The following FRAT1 variants were observed in gnomAD, a reference collection of about 807,000 sequenced individuals.
FRAT1 encodes FRAT regulator of Wnt signaling pathway 1, also known as proto-oncogene FRAT1.
Under a neutral mutation model 16.9 loss-of-function variants are expected in FRAT1, and 9 were observed. That is an observed-to-expected ratio of 0.53 (90% CI 0.32 to 0.93). The LOEUF is 0.93. Among genes scored for constraint, FRAT1 ranks in the 40% least tolerant of loss-of-function variants. FRAT1 has a pLI of 0.04. For missense variants in FRAT1, 354 were observed against 402.8 expected, an observed-to-expected ratio of 0.88 and a Z score of 1.04; for synonymous variants, 191 against 202.1, an observed-to-expected ratio of 0.95 and a Z score of 0.46.
chr10:97,319,872 T>C lies in FRAT1; in HGVS notation c.419T>C (p.Leu140Pro). The change falls in exon 1 of 1, where the codon CTG becomes CCG. Residue 140 changes from leucine (L) to proline (P), a missense_variant. Coordinates refer to ENST00000371021, the MANE Select transcript of FRAT1 (RefSeq NM_005479.4). ...GAGCTCGCCACAGGCCCCAGCGCGC[T>C]GTCCCCACTGCCCCCTCAGGCCGAC... ...VAELATGPSA[L>P]SPLPPQADLD... is the part of the protein sequence containing the mutation. The C allele has an allele frequency of 6.6e-7, 1 of 1,521,928 alleles. No homozygotes were observed. The highest frequency in any genetic ancestry group is 8.8e-7 in the Non-Finnish European group (1 of 1,142,070). The allele number at this position is 1,521,928 out of a possible 1,614,324, so 94.3% of individuals were successfully genotyped here.
rs1014229408 is a variant in FRAT1, at chr10:97,319,335, C to A, written c.-119C>A. ...CGGGCTCCGGCTTCCGCGTCCGCCC[C>A]GGCCCCGGTCCAGACTTAGTCTTCA... On this transcript the variant is annotated 5_prime_UTR_variant, in exon 1 of 1. Transcript: ENST00000371021. The A allele has an allele frequency of 1.6e-6, 2 of 1,214,318 alleles. No homozygotes were observed. Among genetic ancestry groups the A allele is most frequent in the African/African-American group, 3.2e-5 (2 of 63,308 alleles). 75.2% of individuals were successfully genotyped at this position (1,214,318 alleles called of 1,614,324 possible).
In FRAT1 at chr10:97,321,266, G is replaced by A. The variant is rs965878785; in HGVS notation, c.*973G>A. 1 of 166,734 alleles carries A rather than the reference G, an allele frequency of 6.0e-6. No homozygotes were observed. The allele number at this position is 166,734 out of a possible 1,614,324, so 10.3% of individuals were successfully genotyped here. A position where few individuals can be genotyped will look rare whatever the true frequency, so the allele number is the denominator to read the frequency against. Reference sequence around the variant, plus strand: ...GACCACCGCCCCTGGCCGCGCTCCGGGCTTTCACGGAAACTCCCGAGACCG... The same window carrying A: ...GACCACCGCCCCTGGCCGCGCTCCGAGCTTTCACGGAAACTCCCGAGACCG... On this transcript the variant is annotated 3_prime_UTR_variant, in exon 1 of 1. Coordinates refer to ENST00000371021, the MANE Select transcript of FRAT1 (RefSeq NM_005479.4).
chr10:97,319,684 G>C lies in FRAT1; in HGVS notation c.231G>C (p.Leu77=), dbSNP rs1380480755. The stretch of plus-strand genomic sequence containing the variant: ...CGCCGCTGCGGGCCCCGGGGCCCCT[G>C]GCTGCGGCGGTGCCGGCGGACAAGG... ...PGAPLRAPGP[L]AAAVPADKAR... The change falls in exon 1 of 1, where the codon CTG becomes CTC. Residue 77 remains leucine (L), a synonymous_variant. Transcript: ENST00000371021. 8.5e-7 allele frequency: 1 copy of C among 1,174,256 alleles called. No homozygotes were observed. Among genetic ancestry groups the C allele is most frequent in the African/African-American group, 1.6e-5 (1 of 61,836 alleles). The allele number at this position is 1,174,256 out of a possible 1,614,324, so 72.7% of individuals were successfully genotyped here.
Position 97,319,771 on chromosome 10 carries a change from G to GC in FRAT1, c.323dup (p.Gly109TrpfsTer42). On this transcript the variant is annotated frameshift_variant, in exon 1 of 1. Transcript: ENST00000371021. LOFTEE classifies it high-confidence loss of function. ...CGTTGGCGGAGACTGTGGGCCCGGC[G>GC]CCCCCTGGGGTCCTGCGCTGCGCCC... 8.1e-7 allele frequency: 1 copy of GC among 1,238,636 alleles called. No homozygotes were observed. Among genetic ancestry groups the GC allele is most frequent in the Non-Finnish European group, 1.0e-6 (1 of 994,566 alleles). 76.7% of individuals were successfully genotyped at this position (1,238,636 alleles called of 1,614,324 possible).
chr10:97,319,353 A>G lies in FRAT1; in HGVS notation c.-101A>G. On this transcript the variant is annotated 5_prime_UTR_variant, in exon 1 of 1. Coordinates refer to ENST00000371021, the MANE Select transcript of FRAT1 (RefSeq NM_005479.4). ...TCCGCCCCGGCCCCGGTCCAGACTT[A>G]GTCTTCAGCTCCGCGCCCGCTCCGC... The G allele has an allele frequency of 1.6e-6, 2 of 1,250,324 alleles. No homozygotes were observed. The highest frequency in any genetic ancestry group is 2.0e-6 in the Non-Finnish European group (2 of 996,650). The allele number at this position is 1,250,324 out of a possible 1,614,324, so 77.5% of individuals were successfully genotyped here.
In FRAT1 at chr10:97,320,035, A is replaced by AGGC; in HGVS notation, c.584_586dup (p.Gly195dup). On this transcript the variant is annotated inframe_insertion, in exon 1 of 1. Coordinates refer to ENST00000371021, the MANE Select transcript of FRAT1 (RefSeq NM_005479.4). ...GCGGGTCCCAACCAGAAACCCGCAC[A>AGGC]GGCGACGACGACCCGCACCGGCTTC... is the stretch of plus-strand genomic sequence containing the variant. 1 of 1,572,328 alleles carries AGGC rather than the reference A, an allele frequency of 6.4e-7. No individual in the cohort carries two copies. Among genetic ancestry groups the AGGC allele is most frequent in the Non-Finnish European group, 8.6e-7 (1 of 1,159,330 alleles).
chr10:97,320,072 G>A lies in FRAT1; in HGVS notation c.619G>A (p.Val207Met), dbSNP rs924279857. The A allele has an allele frequency of 1.3e-6, 2 of 1,594,182 alleles. No homozygotes were observed. The highest frequency in any genetic ancestry group is 2.7e-5 in the African/African-American group (2 of 74,174). Reference sequence around the variant, plus strand: ...CCCGCACCGGCTTCTGCAGCAGCTAGTGCTCTCTGGAAACCTCATCAAGGA... The same window carrying A: ...CCCGCACCGGCTTCTGCAGCAGCTAATGCTCTCTGGAAACCTCATCAAGGA... ...DDPHRLLQQL[V>M]LSGNLIKEAV... The change falls in exon 1 of 1, where the codon GTG becomes ATG. Residue 207 changes from valine (V) to methionine (M), a missense_variant. This residue lies in a region of FRAT1 where 286 missense variants were observed against 311.0 expected (regional missense o/e 0.92). Coordinates refer to ENST00000371021, the MANE Select transcript of FRAT1 (RefSeq NM_005479.4).
rs1412438570 is a variant in FRAT1 at position 97,320,008 on chromosome 10, A to G, written c.555A>G (p.Arg185=). 1 of 1,555,618 alleles carries G rather than the reference A, an allele frequency of 6.4e-7. No individual in the cohort carries two copies. Among genetic ancestry groups the G allele is most frequent in the African/African-American group, 1.4e-5 (1 of 73,250 alleles). ...CCGCCTCCCGCCGCCTGCAGCAGCG[A>G]CGCGGGTCCCAACCAGAAACCCGCA... The part of the protein sequence containing the change: ...GAAASRRLQQ[R]RGSQPETRTG... Residue 185 remains arginine (R), a synonymous_variant, in exon 1 of 1, where the codon CGA becomes CGG. Transcript: ENST00000371021.
In FRAT1 at chr10:97,319,495, G is replaced by A. The variant is rs968257306; in HGVS notation, c.42G>A (p.Glu14=). Residue 14 remains glutamate, a synonymous_variant, in exon 1 of 1, where the codon GAG becomes GAA. Coordinates refer to ENST00000371021, the MANE Select transcript of FRAT1 (RefSeq NM_005479.4). ...RREEEEEAGE[E]AEGEEEEEDS... is the part of the protein sequence containing the mutation. ...AGGAGGAAGAGGAAGCCGGCGAGGA[G>A]GCGGAGGGGGAGGAAGAGGAGGAGG... 5 of 1,475,696 alleles carry A rather than the reference G, an allele frequency of 3.4e-6. No individual in the cohort carries two copies. The highest frequency in any genetic ancestry group is 4.5e-6 in the Non-Finnish European group (5 of 1,116,560). The allele number at this position is 1,475,696 out of a possible 1,614,324, so 91.4% of individuals were successfully genotyped here. A position where few individuals can be genotyped will look rare whatever the true frequency, so the allele number is the denominator to read the frequency against.
chr10:97,321,148 T>G lies in FRAT1; in HGVS notation c.*855T>G, dbSNP rs1238160891. 2 of 167,118 alleles carry G rather than the reference T, an allele frequency of 1.2e-5. No individual in the cohort carries two copies. Among genetic ancestry groups the G allele is most frequent in the Non-Finnish European group, 2.9e-5 (2 of 68,170 alleles). The allele number at this position is 167,118 out of a possible 1,614,324, so 10.4% of individuals were successfully genotyped here. A position where few individuals can be genotyped will look rare whatever the true frequency, so the allele number is the denominator to read the frequency against. On this transcript the variant is annotated 3_prime_UTR_variant, in exon 1 of 1. Coordinates refer to ENST00000371021, the MANE Select transcript of FRAT1 (RefSeq NM_005479.4). The stretch of plus-strand genomic sequence containing the variant: ...GTGCTCGGAGAAGAGCGCAGTGTTT[T>G]GCAAGTGCTGGAGTCTCCTGAGGAC...
chr10:97,319,341 C>G lies in FRAT1; in HGVS notation c.-113C>G, dbSNP rs1243588880. The G allele has an allele frequency of 1.4e-5, 17 of 1,222,620 alleles. No individual in the cohort carries two copies. The South Asian group carries it at 2.4e-4, about 17-fold the overall frequency. The allele number at this position is 1,222,620 out of a possible 1,614,324, so 75.7% of individuals were successfully genotyped here. On this transcript the variant is annotated 5_prime_UTR_variant, in exon 1 of 1. Transcript: ENST00000371021. ...CCGGCTTCCGCGTCCGCCCCGGCCC[C>G]GGTCCAGACTTAGTCTTCAGCTCCG... is the stretch of plus-strand genomic sequence containing the variant.
rs751552664 is a variant in FRAT1, at chr10:97,321,291, G to C, written c.*998G>C. On this transcript the variant is annotated 3_prime_UTR_variant, in exon 1 of 1. Coordinates refer to ENST00000371021, the MANE Select transcript of FRAT1 (RefSeq NM_005479.4). ...GGCTTTCACGGAAACTCCCGAGACC[G>C]GGCCCTGGGTTCCTCCTCTCCTACT... 1 of 166,924 alleles carries C rather than the reference G, an allele frequency of 6.0e-6. No homozygotes were observed. Among genetic ancestry groups the C allele is most frequent in the Non-Finnish European group, 1.5e-5 (1 of 68,114 alleles). 10.3% of individuals were successfully genotyped at this position (166,924 alleles called of 1,614,324 possible).
Position 97,319,528 on chromosome 10 carries a change from C to T in FRAT1, c.75C>T (p.Phe25=). The T allele has an allele frequency of 1.4e-6, 2 of 1,478,516 alleles. No individual in the cohort carries two copies. The highest frequency in any genetic ancestry group is 8.9e-7 in the Non-Finnish European group (1 of 1,117,828). The allele number at this position is 1,478,516 out of a possible 1,614,324, so 91.6% of individuals were successfully genotyped here. A position where few individuals can be genotyped will look rare whatever the true frequency, so the allele number is the denominator to read the frequency against. Residue 25 remains phenylalanine, a synonymous_variant, in exon 1 of 1, where the codon TTC becomes TTT. Coordinates refer to ENST00000371021, the MANE Select transcript of FRAT1 (RefSeq NM_005479.4). ...AEGEEEEEDS[F]LLLQQSVALG... Reference sequence around the variant, plus strand: ...GGGAGGAAGAGGAGGAGGACAGCTTCCTCCTACTGCAGCAGTCAGTGGCGC... The same window carrying T: ...GGGAGGAAGAGGAGGAGGACAGCTTTCTCCTACTGCAGCAGTCAGTGGCGC...
Position 97,320,924 on chromosome 10 carries a change from G to A in FRAT1, c.*631G>A, listed in dbSNP as rs1473359840. 6.0e-6 allele frequency: 1 copy of A among 167,042 alleles called. No homozygotes were observed. The highest frequency in any genetic ancestry group is 2.4e-5 in the African/African-American group (1 of 41,418). The allele number at this position is 167,042 out of a possible 1,614,324, so 10.3% of individuals were successfully genotyped here. On this transcript the variant is annotated 3_prime_UTR_variant, in exon 1 of 1. Coordinates refer to ENST00000371021, the MANE Select transcript of FRAT1 (RefSeq NM_005479.4). ...CTGTCTCTCTTCTCAGAGTGGTGGG[G>A]GAAGGCTGTACGACACGGGTGGGGA...
In FRAT1 at chr10:97,320,377, GA is replaced by G. The variant is rs1333805916; in HGVS notation, c.*85del. On this transcript the variant is annotated 3_prime_UTR_variant, in exon 1 of 1. Transcript: ENST00000371021. ...GGCTGCAGTTCTACTCAGGCTGGTG[GA>G]GAACTCTGGCTTTTGGAAGCGAGAG... 5.6e-6 allele frequency: 7 copies of G among 1,245,560 alleles called. No individual in the cohort carries two copies. In the African/African-American group the frequency reaches 9.2e-5, roughly 16 times the overall value. 77.2% of individuals were successfully genotyped at this position (1,245,560 alleles called of 1,614,324 possible).
Position 97,319,331 on chromosome 10 carries a change from G to C in FRAT1, c.-123G>C, listed in dbSNP as rs1370955359. On this transcript the variant is annotated 5_prime_UTR_variant, in exon 1 of 1. Coordinates refer to ENST00000371021, the MANE Select transcript of FRAT1 (RefSeq NM_005479.4). ...CTGGCGGGCTCCGGCTTCCGCGTCC[G>C]CCCCGGCCCCGGTCCAGACTTAGTC... The C allele has an allele frequency of 8.3e-7, 1 of 1,205,388 alleles. No homozygotes were observed. The highest frequency in any genetic ancestry group is 1.0e-6 in the Non-Finnish European group (1 of 963,656). 74.7% of individuals were successfully genotyped at this position (1,205,388 alleles called of 1,614,324 possible).
Position 97,321,874 on chromosome 10 carries a change from C to G in FRAT1, c.*1581C>G, listed in dbSNP as rs1843464988. On this transcript the variant is annotated 3_prime_UTR_variant, in exon 1 of 1. Transcript: ENST00000371021. ...ATCAGTGAAAAAGATGTACAGAACA[C>G]ATTTCTCTGATCTCCATAAACATGA... 1 of 166,870 alleles carries G rather than the reference C, an allele frequency of 6.0e-6. No homozygotes were observed. 10.3% of individuals were successfully genotyped at this position (166,870 alleles called of 1,614,324 possible). A position where few individuals can be genotyped will look rare whatever the true frequency, so the allele number is the denominator to read the frequency against.
chr10:97,320,768 G>GAA lies in FRAT1; in HGVS notation c.*475_*476insAA, dbSNP rs1239520947. 2.9e-5 allele frequency: 5 copies of GAA among 173,776 alleles called. No individual in the cohort carries two copies. Among genetic ancestry groups the GAA allele is most frequent in the African/African-American group, 1.2e-4 (5 of 41,706 alleles). The allele number at this position is 173,776 out of a possible 1,614,324, so 10.8% of individuals were successfully genotyped here. ...GAACATGAGTAGATAATTTCAGGGT[G>GAA]CAGCCCAATCTGCCAGACTTAAAAA... On this transcript the variant is annotated 3_prime_UTR_variant, in exon 1 of 1. Coordinates refer to ENST00000371021, the MANE Select transcript of FRAT1 (RefSeq NM_005479.4).
In FRAT1 at chr10:97,320,032, C is replaced by T. The variant is rs1355706955; in HGVS notation, c.579C>T (p.Arg193=). 1 of 1,569,700 alleles carries T rather than the reference C, an allele frequency of 6.4e-7. No individual in the cohort carries two copies. Among genetic ancestry groups the T allele is most frequent in the East Asian group, 2.4e-5 (1 of 41,810 alleles). ...GACGCGGGTCCCAACCAGAAACCCG[C>T]ACAGGCGACGACGACCCGCACCGGC... is the stretch of plus-strand genomic sequence containing the variant. The part of the protein sequence containing the change: ...QQRRGSQPET[R]TGDDDPHRLL... Residue 193 remains arginine (R), a synonymous_variant, in exon 1 of 1, where the codon CGC becomes CGT. Coordinates refer to ENST00000371021, the MANE Select transcript of FRAT1 (RefSeq NM_005479.4).
Sources: allele counts gnomAD v4.1 joint callset, GRCh38; gene constraint gnomAD v4.1.1; regional missense constraint gnomAD v4.1.1; transcripts MANE v1.5; gene names NCBI Gene and HGNC (gene_info 2026-07-23, HGNC 2026-07-21).